The following PREX1 variants were observed in gnomAD, a reference collection of about 807,000 sequenced individuals.
The protein encoded by PREX1 is phosphatidylinositol 3,4,5-trisphosphate-dependent Rac exchanger 1 protein.
PREX1 carries 41 observed loss-of-function variants against 198.3 expected under a neutral mutation model. The ratio of observed to expected loss-of-function variants is 0.21; its 90% CI spans 0.16 to 0.27. The LOEUF (loss-of-function observed/expected upper bound fraction) is 0.27, where lower values mean the gene tolerates loss of function less well. Among genes scored for constraint, PREX1 ranks in the 10% least tolerant of loss-of-function variants. The pLI is 1.00. For synonymous variants in PREX1, 843 were observed against 887.2 expected, an observed-to-expected ratio of 0.95 and a Z score of 0.89; for missense variants, 1,620 against 2,200.7, an observed-to-expected ratio of 0.74 and a Z score of 5.28.
chr20:48,879,413 AG>A, the PREX1 span, among the ~76,000 whole-genome samples: 2,039 of 152,324 alleles, frequency 0.013, 44 homozygotes, highest in African/African-American at 0.046. Context: ...CATTCATAAT[AG>A]TTGATAAACA....
Position 48,628,961 on chromosome 20 carries a change from G to T in PREX1, c.4766+488C>A, listed in dbSNP as rs73909697. On this transcript the variant is annotated intron_variant, in intron 37 of 39. Coordinates refer to ENST00000371941, the MANE Select transcript of PREX1 (RefSeq NM_020820.4). ...AATGAAGGCTGTCTGGGGAGTGGGG[G>T]TGAGGGCTGCAGAGGAAGAGAGGGT... Among the ~76,000 whole-genome samples, 1,189 of 152,264 alleles carry T rather than the reference G, an allele frequency of 7.8e-3. 12 individuals carry two copies. Among genetic ancestry groups the T allele is most frequent in the African/African-American group, 0.027 (1,135 of 41,532 alleles).
At chr20:48,741,263 C>T (rs2090080378) in intron 3 of PREX1, among the ~76,000 whole-genome samples, 2 of 152,256 alleles carry the variant, frequency 1.3e-5, no homozygotes, top group African/African-American at 4.8e-5. Context: ...GCGGCTGGCA[C>T]AGTCGTGACC....
At chr20:48,885,778 A>G in the PREX1 span, among the ~76,000 whole-genome samples, 1 of 152,220 alleles carries the variant, frequency 6.6e-6, no homozygotes. Context: ...ACTTAAATGC[A>G]TATTACTAAG....
chr20:48,760,005 G>A (rs530442091), intron 1 of PREX1, among the ~76,000 whole-genome samples: 56 of 152,002 alleles, frequency 3.7e-4, no homozygotes, highest in South Asian at 2.7e-3. Context: ...CCAGCTACTC[G>A]AGAGGCTGAG....
the PREX1 span, among the ~76,000 whole-genome samples, chr20:48,883,011 G>A: frequency 4.5e-4 from 67 of 148,398 alleles, no homozygotes; most frequent in Middle Eastern, 3.4e-3. Context: ...GGCCCACTGC[G>A]ACCTCTCAGC....
At chr20:48,793,414 T>A (rs184667561) in intron 1 of PREX1, among the ~76,000 whole-genome samples, 123 of 152,342 alleles carry the variant, frequency 8.1e-4, no homozygotes, top group African/African-American at 2.8e-3. Flanking sequence ...GAATTCCTTA[T>A]GGCATGTGAA....
At chr20:48,698,402 G>T (rs755916590) in intron 7 of PREX1, among the ~76,000 whole-genome samples, 1 of 152,196 alleles carries the variant, frequency 6.6e-6, no homozygotes, top group Non-Finnish European at 1.5e-5. Flanking sequence ...TGGGAAAAGT[G>T]CCTGCTCCAG....
intron 16 of PREX1, among the ~76,000 whole-genome samples, chr20:48,659,282 GAA>G (rs1307602610): frequency 1.8e-4 from 22 of 123,640 alleles, no homozygotes; most frequent in African/African-American, 4.4e-4. Context: ...GAGAGAGAGA[GAA>G]AGAAGAAAAG....
At chr20:48,875,826 C>T in the PREX1 span, among the ~76,000 whole-genome samples, 7 of 151,990 alleles carry the variant, frequency 4.6e-5, no homozygotes, top group African/African-American at 1.7e-4. Flanking sequence ...AAGAAAGGGA[C>T]GACGGGCAGA....
intron 1 of PREX1, among the ~76,000 whole-genome samples, chr20:48,763,631 T>C (rs968598266): frequency 6.6e-6 from 1 of 152,166 alleles, no homozygotes; most frequent in African/African-American, 2.4e-5. Context: ...CAGTCCCCCC[T>C]TAGCTGGTGA....
chr20:48,866,388 A>G, the PREX1 span, among the ~76,000 whole-genome samples: 1 of 152,128 alleles, frequency 6.6e-6, no homozygotes, highest in African/African-American at 2.4e-5. Flanking sequence ...GCTCATGGGC[A>G]TTGTCTGGGA....
At position 48,745,072 on chromosome 20, in the gene PREX1, G is replaced by C. The variant is rs1253073209; in HGVS notation, c.367C>G (p.Pro123Ala). ...FLAALEYCLHPEPQSQHELGN... is the reference protein window; with the variant it reads ...FLAALEYCLHAEPQSQHELGN... Reference sequence around the variant, plus strand: ...AGTTCATGCTGAGACTGCGGCTCCGGGTGTAAACAATACTCCAAGGCGGCC... The same window carrying C: ...AGTTCATGCTGAGACTGCGGCTCCGCGTGTAAACAATACTCCAAGGCGGCC... The change falls in exon 3 of 40, where the codon CCG becomes GCG. Residue 123 changes from proline to alanine, a missense_variant. Pro to Ala is a conservative substitution (Grantham distance 27). This residue lies in a region of PREX1 where 488 missense variants were observed against 802.5 expected (regional missense o/e 0.61). Transcript: ENST00000371941. The C allele has an allele frequency of 1.2e-6, 2 of 1,614,106 alleles. No individual in the cohort carries two copies. The highest frequency in any genetic ancestry group is 1.7e-6 in the Non-Finnish European group (2 of 1,179,994).
At chr20:48,692,915 G>A (rs1697587924) in intron 7 of PREX1, 125 bp from the exon 8 acceptor site, 4 of 784,490 alleles carry the variant, frequency 5.1e-6, no homozygotes, top group Non-Finnish European at 8.9e-6. Context: ...CCCAGGTAGG[G>A]GTCAGGAGCA....
intron 26 of PREX1, 111 bp downstream of exon 26, chr20:48,645,739 GC>G: frequency 8.2e-7 from 1 of 1,222,934 alleles, no homozygotes; most frequent in Non-Finnish European, 1.2e-6. Context: ...AGCACCCTGA[GC>G]CCACTGCACC....
intron 29 of PREX1, among the ~76,000 whole-genome samples, chr20:48,641,727 G>A (rs547008021): frequency 6.6e-6 from 1 of 152,008 alleles, no homozygotes; most frequent in East Asian, 1.9e-4. Context: ...GGGAGGTCAA[G>A]GCTGCAGTGA....
chr20:48,658,591 T>C (rs540690914), intron 16 of PREX1, among the ~76,000 whole-genome samples: 22 of 152,278 alleles, frequency 1.4e-4, no homozygotes, highest in African/African-American at 5.1e-4. Context: ...TCAACAGACA[T>C]TGATTGAGAT....
At chr20:48,793,384 A>T (rs2090347006) in intron 1 of PREX1, among the ~76,000 whole-genome samples, 1 of 152,242 alleles carries the variant, frequency 6.6e-6, no homozygotes, top group South Asian at 2.1e-4. Context: ...ACCAAAAGCC[A>T]CTGGAGTGGA....
intron 1 of PREX1, among the ~76,000 whole-genome samples, chr20:48,776,531 C>T (rs1480772354): frequency 1.3e-5 from 2 of 152,184 alleles, no homozygotes; most frequent in Non-Finnish European, 2.9e-5. Context: ...GGGCTGGGGA[C>T]AGAGTTTCTC....
the PREX1 span, among the ~76,000 whole-genome samples, chr20:48,887,873 C>G: frequency 1.3e-5 from 2 of 151,730 alleles, no homozygotes; most frequent in Admixed American, 6.6e-5. Context: ...TGGCGTAAAC[C>G]CGGGAGGCGG....
Sources: allele counts gnomAD v4.1 joint callset (sites outside exome capture counted in the v4.1 genomes callset), GRCh38; gene constraint gnomAD v4.1.1; regional missense constraint gnomAD v4.1.1; transcripts MANE v1.5; gene names NCBI Gene and HGNC (gene_info 2026-07-23, HGNC 2026-07-21).